CSNK1G2: variants seen among roughly 807,000 people sequenced by gnomAD.
The protein encoded by CSNK1G2 is casein kinase 1 gamma 2, also known as casein kinase I isoform gamma-2.
A neutral mutation model predicts 48.0 loss-of-function variants in CSNK1G2; 11 were observed. The ratio of observed to expected loss-of-function variants is 0.23; its 90% CI spans 0.14 to 0.38. CSNK1G2 has a LOEUF of 0.38. CSNK1G2 is among the 10% of genes least tolerant of loss of function. The pLI, the probability that CSNK1G2 is intolerant of heterozygous loss-of-function variation, is 1.00. For missense variants in CSNK1G2, 446 were observed against 595.5 expected (o/e 0.75, Z 2.61); for synonymous variants, 337 against 254.1 (o/e 1.33, Z -3.10).
At position 1,944,210 on chromosome 19, in the gene CSNK1G2, G is replaced by A. The variant is rs982270951; in HGVS notation, c.-266+2792G>A. Among the ~76,000 whole-genome samples the A allele has an allele frequency of 4.6e-5, 7 of 152,224 alleles. No homozygotes were observed. In the East Asian group the frequency reaches 9.7e-4, roughly 21 times the overall value. On this transcript the variant is annotated intron_variant, in intron 1 of 11. Transcript: ENST00000255641. ...GCCGGGTCCGCCTCCCCCATCCCGCGGATCTGCAGATCTGCAAATGCTCCG... is the reference window on the plus strand; with the variant it reads ...GCCGGGTCCGCCTCCCCCATCCCGCAGATCTGCAGATCTGCAAATGCTCCG...
intron 2 of CSNK1G2, chr19:1,976,208 G>A: frequency 1.2e-6 from 1 of 852,996 alleles, no homozygotes; most frequent in Middle Eastern, 2.6e-4. Context: ...GTGTTACACT[G>A]GGGAGAACGT....
chr19:1,971,195 G>T (rs2015557110), intron 2 of CSNK1G2, among the ~76,000 whole-genome samples: 1 of 152,240 alleles, frequency 6.6e-6, no homozygotes, highest in South Asian at 2.1e-4. Flanking sequence ...CCCAGGCGAG[G>T]GCAGCTGTTG....
intron 1 of CSNK1G2, among the ~76,000 whole-genome samples, chr19:1,944,372 C>T (rs1473415996): frequency 2.0e-5 from 3 of 152,050 alleles, no homozygotes; most frequent in African/African-American, 7.2e-5. Context: ...CTCGTGGGGC[C>T]CGTGCTGTGG....
chr19:1,950,332 G>A (rs973781797), intron 1 of CSNK1G2, among the ~76,000 whole-genome samples: 2 of 147,050 alleles, frequency 1.4e-5, no homozygotes, highest in African/African-American at 2.6e-5. Flanking sequence ...GTAGAGACGG[G>A]GTTTCACTGT....
intron 1 of CSNK1G2, chr19:1,959,282 G>A (rs2015110744): frequency 6.6e-6 from 1 of 152,168 alleles, no homozygotes; most frequent in Non-Finnish European, 1.5e-5. Context: ...CGAGGGTTTT[G>A]GCAGCTCCCT....
Position 1,979,964 on chromosome 19 carries a change from C to T in CSNK1G2, c.1140C>T (p.His380=), listed in dbSNP as rs1247108838. 6.3e-7 allele frequency: 1 copy of T among 1,594,476 alleles called. No homozygotes were observed. Among genetic ancestry groups the T allele is most frequent in the Admixed American group, 1.7e-5 (1 of 58,292 alleles). ...ELNADDPTAG[H]SNAPITAPAE... ...ATGCGGACGACCCCACGGCCGGCCA[C>T]TCCAACGCCCCGATCACAGCGCCTG... is the stretch of plus-strand genomic sequence containing the variant. The change falls in exon 11 of 12, where the codon CAC becomes CAT. Residue 380 remains histidine (H), a synonymous_variant. Transcript: ENST00000255641.
rs1439174833 is a variant in CSNK1G2 at position 1,978,707 on chromosome 19, G to A, written c.404G>A (p.Arg135Gln). The change falls in exon 5 of 12, where the codon CGG (arginine) becomes CAG (glutamine). Residue 135 changes from arginine (R) to glutamine (Q), a missense_variant. Transcript: ENST00000255641. The surrounding 1 kb of genome is among the most constrained non-coding windows in gnomAD (Gnocchi z 7.3). ...GAGGACCTGTTCGACCTGTGCGACC[G>A]GACCTTCACGCTCAAGACGGTGCTG... Reference protein sequence around the residue: ...SLEDLFDLCDRTFTLKTVLMI... With the variant: ...SLEDLFDLCDQTFTLKTVLMI... 4.4e-6 allele frequency: 7 copies of A among 1,603,212 alleles called. No homozygotes were observed. Among genetic ancestry groups the A allele is most frequent in the Admixed American group, 1.7e-5 (1 of 59,002 alleles).
chr19:1,966,567 C>G (rs369839137), intron 1 of CSNK1G2, among the ~76,000 whole-genome samples: 1 of 152,126 alleles, frequency 6.6e-6, no homozygotes, highest in Non-Finnish European at 1.5e-5. Flanking sequence ...CCCGGAACCT[C>G]GGTTGATGAA....
intron 1 of CSNK1G2, among the ~76,000 whole-genome samples, chr19:1,966,770 T>C (rs2015377622): frequency 6.6e-6 from 1 of 152,070 alleles, no homozygotes; most frequent in Admixed American, 6.5e-5. Context: ...CCCCAACGAG[T>C]CAGCCGCCGT....
intron 1 of CSNK1G2, among the ~76,000 whole-genome samples, chr19:1,963,710 G>C (rs2015275029): frequency 6.6e-6 from 1 of 151,744 alleles, no homozygotes; most frequent in Non-Finnish European, 1.5e-5. Context: ...GTTTCACCAT[G>C]TTGGCCGTGC....
At position 1,979,310 on chromosome 19, in the gene CSNK1G2, C is replaced by G. The variant is rs779221452; in HGVS notation, c.769-9C>G. On this transcript the variant is annotated splice_polypyrimidine_tract_variant and intron_variant, in intron 7 of 11. Coordinates refer to ENST00000255641, the MANE Select transcript of CSNK1G2 (RefSeq NM_001319.7). ...GGGCGGGAGCAAGGCTGACCACAGACCCCCGCAGGCCGACACGCTCAAGGA... is the reference window on the plus strand; with the variant it reads ...GGGCGGGAGCAAGGCTGACCACAGAGCCCCGCAGGCCGACACGCTCAAGGA... The G allele has an allele frequency of 2.5e-6, 4 of 1,595,348 alleles. No individual in the cohort carries two copies. The South Asian group carries it at 4.5e-5, about 18-fold the overall frequency.
At chr19:1,975,798 G>T (rs2015732764) in intron 2 of CSNK1G2, 1 of 975,334 alleles carries the variant, frequency 1.0e-6, no homozygotes, top group African/African-American at 1.8e-5. Flanking sequence ...CACTTTGGGA[G>T]GCTGATGTGG....
rs755269994 is a variant in CSNK1G2, at chr19:1,979,892, C to T, written c.1087-19C>T. ...GAGGGGCATGGGCGGCCAGCGTGAC[C>T]CCCTACTGCCCCCACCAGGCGTTGA... On this transcript the variant is annotated intron_variant, in intron 10 of 11. Transcript: ENST00000255641. 4 of 1,606,120 alleles carry T rather than the reference C, an allele frequency of 2.5e-6. No homozygotes were observed. In the South Asian group the frequency reaches 4.4e-5, roughly 18 times the overall value.
chr19:1,956,319 T>C (rs921505747), intron 1 of CSNK1G2, among the ~76,000 whole-genome samples: 1 of 152,064 alleles, frequency 6.6e-6, no homozygotes, highest in African/African-American at 2.4e-5. Flanking sequence ...GGATGGGGAT[T>C]TGGTGCTTTT....
intron 1 of CSNK1G2, among the ~76,000 whole-genome samples, chr19:1,950,656 C>T (rs138728336): frequency 6.9e-6 from 1 of 145,976 alleles, no homozygotes; most frequent in East Asian, 2.1e-4. Context: ...ACGGACGGGC[C>T]TTCCTGGGCT....
intron 1 of CSNK1G2, among the ~76,000 whole-genome samples, chr19:1,944,435 C>A (rs969045418): frequency 1.3e-5 from 2 of 152,148 alleles, no homozygotes; most frequent in African/African-American, 4.8e-5. Flanking sequence ...GAAGTCGAGG[C>A]CTACCTGGCC....
chr19:1,959,505 C>T (rs1173299940), intron 1 of CSNK1G2, among the ~76,000 whole-genome samples: 1 of 150,786 alleles, frequency 6.6e-6, no homozygotes, highest in Non-Finnish European at 1.5e-5. Flanking sequence ...CCCCCAGCAC[C>T]CGCCCCACCT....
At chr19:1,971,072 T>C (rs1029710457) in intron 2 of CSNK1G2, among the ~76,000 whole-genome samples, 5 of 152,204 alleles carry the variant, frequency 3.3e-5, no homozygotes, top group Non-Finnish European at 5.9e-5. Flanking sequence ...ACCTCCTGCC[T>C]CACTTTACCC....
chr19:1,958,422 C>T (rs538003206), intron 1 of CSNK1G2, among the ~76,000 whole-genome samples: 30 of 150,594 alleles, frequency 2.0e-4, no homozygotes, highest in African/African-American at 7.3e-4. Context: ...TAGAGGGCCT[C>T]AGCTCTCCCA....
Sources: allele counts gnomAD v4.1 joint callset (sites outside exome capture counted in the v4.1 genomes callset), GRCh38; gene constraint gnomAD v4.1.1; non-coding constraint Gnocchi (gnomAD v3.1); transcripts MANE v1.5; gene names NCBI Gene and HGNC (gene_info 2026-07-23, HGNC 2026-07-21).